Variants in CEMIP observed in about 807,000 individuals in gnomAD.
CEMIP encodes cell migration-inducing and hyaluronan-binding protein.
A neutral mutation model predicts 156.9 loss-of-function variants in CEMIP; 105 were observed. That is an observed-to-expected ratio of 0.67 (90% CI 0.57 to 0.79). The LOEUF is 0.79. CEMIP is among the 30% of genes least tolerant of loss of function. The pLI, the probability that CEMIP is intolerant of heterozygous loss-of-function variation, is 0.00. For synonymous variants in CEMIP, 676 were observed against 668.4 expected (o/e 1.01, Z -0.17); for missense variants, 1,457 against 1,769.4 (o/e 0.82, Z 3.17).
chr15:80,943,155 G>A (rs1188745572), intron 28 of CEMIP, 53 bp downstream of exon 28: 2 of 1,595,370 alleles, frequency 1.3e-6, no homozygotes, highest in Non-Finnish European at 1.7e-6. Context: ...CAGACCCCTG[G>A]GCAAGGGCCC....
intron 1 of CEMIP, among the ~76,000 whole-genome samples, chr15:80,836,837 G>C (rs558334591): frequency 3.9e-5 from 6 of 152,332 alleles, no homozygotes; most frequent in Non-Finnish European, 8.8e-5. Context: ...CAGAGCAGTA[G>C]GAAGTTATAA....
At chr15:80,791,240 T>A (rs189502000) in intron 1 of CEMIP, among the ~76,000 whole-genome samples, 5 of 152,170 alleles carry the variant, frequency 3.3e-5, no homozygotes, top group Non-Finnish European at 5.9e-5. Context: ...CTGAGTGAAG[T>A]GTGTGATCAA....
intron 1 of CEMIP, among the ~76,000 whole-genome samples, chr15:80,831,652 A>G (rs1295391038): frequency 6.6e-6 from 1 of 152,198 alleles, no homozygotes; most frequent in Non-Finnish European, 1.5e-5. Flanking sequence ...TGAGCATTCC[A>G]GATGACTCCA....
Position 80,937,905 on chromosome 15 carries a change from G to T in CEMIP, c.3333G>T (p.Val1111=). ...LKQTSKTGVF[V]RTLQMDKVEQ... ...AAACGTCCAAGACGGGCGTCTTCGT[G>T]AGGACCTTGCAGATGGACAAAGTGG... is the stretch of plus-strand genomic sequence containing the variant. Residue 1111 remains valine, a synonymous_variant, in exon 25 of 30, where the codon GTG becomes GTT. Transcript: ENST00000394685. 1.2e-6 allele frequency: 2 copies of T among 1,614,206 alleles called. No homozygotes were observed. The highest frequency in any genetic ancestry group is 1.1e-5 in the South Asian group (1 of 91,084).
chr15:80,825,552 C>T (rs990766931), intron 1 of CEMIP, among the ~76,000 whole-genome samples: 2 of 152,222 alleles, frequency 1.3e-5, no homozygotes, highest in African/African-American at 4.8e-5. Flanking sequence ...GCTATTTAAA[C>T]CACTCCAAAT....
At chr15:80,899,225 A>AAAG (rs57489754) in intron 12 of CEMIP, among the ~76,000 whole-genome samples, 94,575 of 127,268 alleles carry the variant, frequency 0.74, 37,582 homozygotes, top group Non-Finnish European at 0.86. Flanking sequence ...AAAAAAAAAA[A>AAAG]AAAGAAAGAA....
intron 1 of CEMIP, among the ~76,000 whole-genome samples, chr15:80,833,962 G>A (rs1333646490): frequency 1.3e-5 from 2 of 152,180 alleles, no homozygotes; most frequent in Non-Finnish European, 2.9e-5. Context: ...GAGTCACTGT[G>A]CTCAGCCTTC....
chr15:80,784,506 G>GC, intron 1 of CEMIP, among the ~76,000 whole-genome samples: 1 of 152,262 alleles, frequency 6.6e-6, no homozygotes, highest in South Asian at 2.1e-4. Flanking sequence ...AAGTGCAGTG[G>GC]CCTGGAGGAC....
At chr15:80,931,325 A>G (rs1288459667) in intron 21 of CEMIP, among the ~76,000 whole-genome samples, 2 of 152,180 alleles carry the variant, frequency 1.3e-5, no homozygotes, top group African/African-American at 4.8e-5. Context: ...CACACTGCCA[A>G]TGTGAAAGGC....
intron 1 of CEMIP, among the ~76,000 whole-genome samples, chr15:80,797,772 G>A (rs1896269672): frequency 6.6e-6 from 1 of 152,214 alleles, no homozygotes; most frequent in Non-Finnish European, 1.5e-5. Flanking sequence ...GTGGACCTGG[G>A]AACTAGATGA....
chr15:80,877,158 CCACTGGGTCCCTCTCA>C (rs1898504267), intron 3 of CEMIP, among the ~76,000 whole-genome samples: 1 of 152,128 alleles, frequency 6.6e-6, no homozygotes, highest in Non-Finnish European at 1.5e-5. Flanking sequence ...CAATTATATC[CCACTGGGTCCCTCTCA>C]CAACACATGG....
rs570054402 is a variant in CEMIP at position 80,895,263 on chromosome 15, G to C, written c.1219+141G>C. 2.5e-5 allele frequency: 29 copies of C among 1,146,258 alleles called. No homozygotes were observed. In the Admixed American group the frequency reaches 3.7e-4, roughly 14 times the overall value. 71.0% of individuals were successfully genotyped at this position (1,146,258 alleles called of 1,614,324 possible). A position where few individuals can be genotyped will look rare whatever the true frequency, so the allele number is the denominator to read the frequency against. On this transcript the variant is annotated intron_variant, in intron 11 of 29. Transcript: ENST00000394685. ...TTTTGTGACACGGGAGCAGTGGGAG[G>C]ATCCTTGGAGTTGGCAGGAGACAGC...
chr15:80,865,906 A>G (rs1898113102), intron 1 of CEMIP, among the ~76,000 whole-genome samples: 1 of 152,196 alleles, frequency 6.6e-6, no homozygotes, highest in Admixed American at 6.5e-5. Context: ...CCTGTTGCAC[A>G]GGGGTATGGG....
chr15:80,923,157 A>G (rs1301487236), intron 17 of CEMIP, among the ~76,000 whole-genome samples: 1 of 152,148 alleles, frequency 6.6e-6, no homozygotes, highest in Non-Finnish European at 1.5e-5. Flanking sequence ...GGTGGCAGAA[A>G]CAGAAGCAGA....
chr15:80,879,846 G>T lies in CEMIP; in HGVS notation c.372G>T (p.Leu124Phe), dbSNP rs772345221. The change falls in exon 5 of 30, where the codon TTG becomes TTT. Residue 124 changes from leucine to phenylalanine, a missense_variant. Coordinates refer to ENST00000394685, the MANE Select transcript of CEMIP (RefSeq NM_001293298.2). Reference sequence around the variant, plus strand: ...TCCAGGGCAATTTCACCATCATTTTGTATGGAAGGTGCGTAGACCACTCCT... The same window carrying T: ...TCCAGGGCAATTTCACCATCATTTTTTATGGAAGGTGCGTAGACCACTCCT... ...CPFQGNFTII[L>F]YGRADEGIQP... 6.2e-7 allele frequency: 1 copy of T among 1,614,128 alleles called. No individual in the cohort carries two copies. The highest frequency in any genetic ancestry group is 1.1e-5 in the South Asian group (1 of 91,074).
intron 23 of CEMIP, among the ~76,000 whole-genome samples, chr15:80,935,150 G>A (rs1901071475): frequency 6.6e-6 from 1 of 152,174 alleles, no homozygotes; most frequent in African/African-American, 2.4e-5. Context: ...TGTGGGCAGA[G>A]GAAGGGCCAA....
At chr15:80,901,945 C>T (rs763845200) in intron 12 of CEMIP, among the ~76,000 whole-genome samples, 3 of 152,170 alleles carry the variant, frequency 2.0e-5, no homozygotes, top group Non-Finnish European at 2.9e-5. Flanking sequence ...CTGAAGATGA[C>T]TGTGAGGAAC....
intron 7 of CEMIP, 114 bp downstream of exon 7, chr15:80,884,468 C>T (rs749451997): frequency 7.4e-6 from 8 of 1,078,736 alleles, no homozygotes; most frequent in East Asian, 2.4e-5. Flanking sequence ...TCCTAAATGA[C>T]CTAGTGGATG....
intron 1 of CEMIP, among the ~76,000 whole-genome samples, chr15:80,862,202 C>G (rs1336619071): frequency 1.3e-5 from 2 of 152,196 alleles, no homozygotes; most frequent in Non-Finnish European, 2.9e-5. Context: ...TACTTGCATC[C>G]ATGCATCCAC....
Sources: allele counts gnomAD v4.1 joint callset (sites outside exome capture counted in the v4.1 genomes callset), GRCh38; gene constraint gnomAD v4.1.1; transcripts MANE v1.5; gene names NCBI Gene and HGNC (gene_info 2026-07-23, HGNC 2026-07-21).